The following PAN3 variants were observed in gnomAD, a reference collection of about 807,000 sequenced individuals.
PAN3 encodes poly(A) specific ribonuclease subunit PAN3, also known as PAN2-PAN3 deadenylation complex subunit PAN3.
In PAN3, 19 loss-of-function variants were observed where a neutral mutation model predicts 96.2. The observed-to-expected ratio is 0.20, with a 90% CI of 0.14 to 0.29. The LOEUF (loss-of-function observed/expected upper bound fraction) is 0.29. Ranked by LOEUF, PAN3 falls within the 10% of genes least tolerant of loss-of-function variation. The probability of loss-of-function intolerance (pLI) is 1.00; values close to 1 mark genes in which losing one functional copy is unlikely to be tolerated. For synonymous variants in PAN3, 433 were observed against 406.6 expected (o/e 1.06, Z -0.78); for missense variants, 882 against 1,108.1 (o/e 0.80, Z 2.90).
intron 5 of PAN3, among the ~76,000 whole-genome samples, chr13:28,216,120 A>G (rs1880725642): frequency 6.6e-6 from 1 of 150,824 alleles, no homozygotes; most frequent in Non-Finnish European, 1.5e-5. Context: ...AGTTTTTTAA[A>G]TCAGTACGTT....
intron 1 of PAN3, among the ~76,000 whole-genome samples, chr13:28,154,958 G>C (rs1483367086): frequency 2.6e-5 from 4 of 151,058 alleles, no homozygotes; most frequent in Non-Finnish European, 5.9e-5. Context: ...GTAGCTGGGA[G>C]TACAGTCGCC....
At chr13:28,202,906 A>G (rs1051545961) in intron 5 of PAN3, among the ~76,000 whole-genome samples, 2 of 145,874 alleles carry the variant, frequency 1.4e-5, no homozygotes, top group African/African-American at 5.1e-5. Context: ...TTTTGCACCA[A>G]CCCAGTATTT....
chr13:28,287,947 G>A, intron 17 of PAN3, 37 bp from the exon 18 acceptor site: 1 of 1,584,624 alleles, frequency 6.3e-7, no homozygotes, highest in Non-Finnish European at 8.6e-7. Context: ...AGACCATACA[G>A]CATGAGTTAC....
intron 4 of PAN3, among the ~76,000 whole-genome samples, chr13:28,186,205 A>G (rs1335880199): frequency 6.6e-6 from 1 of 152,140 alleles, no homozygotes; most frequent in Non-Finnish European, 1.5e-5. Context: ...ATTTGGGTAT[A>G]TGTATTTTGT....
intron 15 of PAN3, 23 bp downstream of exon 15, chr13:28,277,399 T>C: frequency 6.3e-7 from 1 of 1,591,950 alleles, no homozygotes; most frequent in Non-Finnish European, 8.5e-7. Flanking sequence ...ATATGATAAA[T>C]TGTACAGAAT....
At chr13:28,229,640 T>TA (rs1279132106) in intron 6 of PAN3, among the ~76,000 whole-genome samples, 5 of 152,244 alleles carry the variant, frequency 3.3e-5, no homozygotes, top group Non-Finnish European at 7.3e-5. Flanking sequence ...CTGAGTCTCT[T>TA]AAAGTGCCTG....
intron 6 of PAN3, among the ~76,000 whole-genome samples, chr13:28,243,845 C>T (rs921278118): frequency 2.6e-5 from 4 of 152,054 alleles, no homozygotes; most frequent in East Asian, 1.9e-4. Flanking sequence ...TGCGCCACCA[C>T]GCCCAACTAA....
intron 5 of PAN3, among the ~76,000 whole-genome samples, chr13:28,199,794 T>C (rs372007342): frequency 2.6e-5 from 4 of 152,326 alleles, no homozygotes; most frequent in African/African-American, 9.6e-5. Flanking sequence ...GTTTTCGACA[T>C]ATACTAGTTA....
At chr13:28,285,434 T>TTTTGTTTG in intron 17 of PAN3, among the ~76,000 whole-genome samples, 4 of 152,028 alleles carry the variant, frequency 2.6e-5, no homozygotes, top group Non-Finnish European at 5.9e-5. Context: ...AGCTTTTGGG[T>TTTTGTTTG]TTTGTTTGTT....
chr13:28,245,930 T>C (rs992010197), intron 6 of PAN3, among the ~76,000 whole-genome samples: 3 of 152,232 alleles, frequency 2.0e-5, no homozygotes, highest in African/African-American at 7.2e-5. Flanking sequence ...TTGATAGACA[T>C]TTGGATTATT....
At chr13:28,154,811 T>G (rs1401349459) in intron 1 of PAN3, among the ~76,000 whole-genome samples, 3 of 149,620 alleles carry the variant, frequency 2.0e-5, no homozygotes, top group Non-Finnish European at 4.4e-5. Context: ...TTGCAGGTTT[T>G]TTTTTTTTTT....
At chr13:28,206,229 C>G (rs1879330981) in intron 5 of PAN3, among the ~76,000 whole-genome samples, 1 of 150,930 alleles carries the variant, frequency 6.6e-6, no homozygotes, top group South Asian at 2.1e-4. Context: ...ACTTTTTCAC[C>G]TTTTGTTCAT....
intron 6 of PAN3, among the ~76,000 whole-genome samples, chr13:28,229,666 A>G (rs1342772779): frequency 6.6e-6 from 1 of 152,178 alleles, no homozygotes; most frequent in African/African-American, 2.4e-5. Flanking sequence ...AGTGCCTTGA[A>G]TGGCCATAAT....
chr13:28,271,242 T>G (rs2138670877), intron 13 of PAN3, among the ~76,000 whole-genome samples: 1 of 152,336 alleles, frequency 6.6e-6, no homozygotes, highest in East Asian at 1.9e-4. Context: ...TTTTCATTCA[T>G]AAGTCTGCAT....
chr13:28,281,612 TGTG>T (rs1215016565), intron 17 of PAN3, among the ~76,000 whole-genome samples: 1 of 152,190 alleles, frequency 6.6e-6, no homozygotes, highest in Non-Finnish European at 1.5e-5. Context: ...AGAAATCTCT[TGTG>T]GTTTGCACAT....
At chr13:28,140,541 G>A (rs1272581475) in intron 1 of PAN3, among the ~76,000 whole-genome samples, 1 of 152,088 alleles carries the variant, frequency 6.6e-6, no homozygotes. Flanking sequence ...CTTCCCCGGG[G>A]TTTTGCTTTC....
At chr13:28,191,362 T>C (rs1877237539) in intron 4 of PAN3, among the ~76,000 whole-genome samples, 1 of 152,220 alleles carries the variant, frequency 6.6e-6, no homozygotes. Flanking sequence ...TTCATATCCT[T>C]CTTTCTCGAC....
At chr13:28,194,088 C>T (rs535607167) in intron 4 of PAN3, among the ~76,000 whole-genome samples, 5 of 150,118 alleles carry the variant, frequency 3.3e-5, no homozygotes, top group Admixed American at 1.3e-4. Context: ...ACTAGGGAGG[C>T]GGAGGTTGCA....
chr13:28,218,569 T>C (rs1208250756), intron 5 of PAN3, among the ~76,000 whole-genome samples: 1 of 152,208 alleles, frequency 6.6e-6, no homozygotes, highest in Non-Finnish European at 1.5e-5. Flanking sequence ...AGGTTAATTT[T>C]AATAACTTCC....
Sources: gnomAD v4.1 joint callset for allele counts (sites outside exome capture counted in the v4.1 genomes callset) on GRCh38, gnomAD v4.1.1 for gene constraint, MANE v1.5 for transcripts, NCBI Gene and HGNC (gene_info 2026-07-23, HGNC 2026-07-21) for gene names.